MTMR1: variants seen among roughly 807,000 people sequenced by gnomAD.
MTMR1 encodes myotubularin related protein 1.
In MTMR1, 17 loss-of-function variants were observed where a neutral mutation model predicts 51.6. The ratio of observed to expected loss-of-function variants is 0.33; its 90% CI spans 0.23 to 0.49. The LOEUF is 0.49. MTMR1 is among the 20% of genes least tolerant of loss of function. The pLI is 0.99. For missense variants in MTMR1, 386 were observed against 526.9 expected (o/e 0.73, Z 2.62); for synonymous variants, 201 against 205.6 (o/e 0.98, Z 0.19).
intron 13 of MTMR1, among the ~76,000 whole-genome samples, chrX:150,747,583 C>T (rs1457771719): frequency 8.9e-5 from 10 of 112,138 alleles, no homozygotes; most frequent in Admixed American, 3.8e-4. Flanking sequence ...TGAATTGCAG[C>T]GACCTAATCT....
intron 15 of MTMR1, among the ~76,000 whole-genome samples, chrX:150,756,850 C>T (rs1163726170): frequency 9.0e-6 from 1 of 110,919 alleles, no homozygotes; most frequent in Non-Finnish European, 1.9e-5. Flanking sequence ...GGGATTTCAC[C>T]ATGTTGGCCT....
intron 15 of MTMR1, among the ~76,000 whole-genome samples, 198 bp downstream of exon 15, chrX:150,756,063 G>A (rs2042895527): frequency 8.9e-6 from 1 of 111,910 alleles, no homozygotes; most frequent in African/African-American, 3.3e-5. Context: ...GATGTTTGCT[G>A]GGTTACAGTT....
intron 10 of MTMR1, chrX:150,735,420 G>A: frequency 2.1e-6 from 1 of 487,789 alleles, no homozygotes. Context: ...TTTCATAAGG[G>A]ATGTTAATCT....
chrX:150,700,571 C>T (rs1232098635), intron 2 of MTMR1, among the ~76,000 whole-genome samples: 1 of 112,546 alleles, frequency 8.9e-6, no homozygotes, highest in Non-Finnish European at 1.9e-5. Context: ...CCTGGTCGGG[C>T]AAACACACTG....
At chrX:150,739,844 C>T (rs1158950086) in intron 12 of MTMR1, among the ~76,000 whole-genome samples, 1 of 112,085 alleles carries the variant, frequency 8.9e-6, no homozygotes, top group Non-Finnish European at 1.9e-5. Flanking sequence ...GTGTTATCTG[C>T]CTAAAGTCAC....
intron 2 of MTMR1, among the ~76,000 whole-genome samples, chrX:150,708,933 T>G (rs182841643): frequency 9.0e-6 from 1 of 110,806 alleles, no homozygotes; most frequent in African/African-American, 3.3e-5. Flanking sequence ...CACTCTGGAG[T>G]GTGTTCTTTT....
intron 15 of MTMR1, among the ~76,000 whole-genome samples, chrX:150,762,031 T>A (rs201492646): frequency 1.8e-5 from 2 of 112,587 alleles, no homozygotes; most frequent in Admixed American, 1.9e-4. Context: ...CACTGCCCGC[T>A]CCGGGGGGCT....
intron 14 of MTMR1, chrX:150,751,124 C>T (rs781831271): frequency 3.1e-4 from 319 of 1,014,219 alleles, no homozygotes; most frequent in Non-Finnish European, 3.9e-4. Context: ...ATGTAGTCTC[C>T]GCTGCACCAA....
chrX:150,746,327 T>A (rs1485135400), intron 13 of MTMR1, among the ~76,000 whole-genome samples: 1 of 111,123 alleles, frequency 9.0e-6, no homozygotes, highest in Non-Finnish European at 1.9e-5. Flanking sequence ...CTGGCCTGGG[T>A]AAGAGGGGCT....
At chrX:150,721,603 G>A (rs1386903924) in intron 4 of MTMR1, among the ~76,000 whole-genome samples, 1 of 111,224 alleles carries the variant, frequency 9.0e-6, no homozygotes, top group East Asian at 2.8e-4. Context: ...AATATCTGTA[G>A]AATTTGCAGT....
At chrX:150,723,141 T>G (rs2148607839) in intron 4 of MTMR1, among the ~76,000 whole-genome samples, 1 of 110,334 alleles carries the variant, frequency 9.1e-6, no homozygotes, top group South Asian at 3.9e-4. Context: ...CTGAGAATGA[T>G]GATTTCCAAT....
intron 12 of MTMR1, among the ~76,000 whole-genome samples, chrX:150,743,910 T>C (rs1603264865): frequency 8.9e-6 from 1 of 112,658 alleles, no homozygotes; most frequent in South Asian, 3.6e-4. Context: ...AAGTTGTAGA[T>C]TGCTAATCAT....
intron 14 of MTMR1, chrX:150,751,283 A>C: frequency 1.4e-6 from 1 of 693,038 alleles, no homozygotes; most frequent in Non-Finnish European, 1.7e-6. Context: ...GTAAAGAAGC[A>C]GTTACCAAAC....
chrX:150,746,903 T>C (rs1327315336), intron 13 of MTMR1, among the ~76,000 whole-genome samples: 5 of 112,567 alleles, frequency 4.4e-5, no homozygotes, highest in Non-Finnish European at 9.4e-5. Flanking sequence ...ATGAGATATA[T>C]AGCAGGTATA....
intron 11 of MTMR1, among the ~76,000 whole-genome samples, 160 bp from the exon 12 acceptor site, chrX:150,737,082 T>G (rs993926208): frequency 8.9e-6 from 1 of 111,903 alleles, no homozygotes; most frequent in Non-Finnish European, 1.9e-5. Context: ...TTTTTTAATG[T>G]GATGCTAATA....
intron 13 of MTMR1, among the ~76,000 whole-genome samples, chrX:150,748,249 G>A (rs924759813): frequency 8.9e-6 from 1 of 111,895 alleles, no homozygotes; most frequent in Admixed American, 9.5e-5. Context: ...CAGATATTCA[G>A]TTCATAGCAC....
intron 8 of MTMR1, 93 bp from the exon 9 acceptor site, chrX:150,731,377 C>T: frequency 1.3e-6 from 1 of 772,415 alleles, no homozygotes; most frequent in Non-Finnish European, 1.8e-6. Flanking sequence ...ATTTTAGTTG[C>T]AAATAAGAAA....
At position 150,732,577 on chromosome X, in the gene MTMR1, G is replaced by A. The variant is rs200650317; in HGVS notation, c.927G>A (p.Thr309=). The change falls in exon 10 of 16, where the codon ACG becomes ACA. Residue 309 remains threonine (T), a synonymous_variant. Coordinates refer to ENST00000445323, the MANE Select transcript of MTMR1 (RefSeq NM_001306144.3). ...LSWIHPESQA[T]ITRCSQPLVG... Reference sequence around the variant, plus strand: ...GGATTCATCCGGAAAGTCAAGCAACGATTACCCGTTGCAGCCAGCCACTTG... The same window carrying A: ...GGATTCATCCGGAAAGTCAAGCAACAATTACCCGTTGCAGCCAGCCACTTG... The A allele has an allele frequency of 1.7e-6, 2 of 1,208,557 alleles. No individual in the cohort carries two copies. The highest frequency in any genetic ancestry group is 3.0e-5 in the East Asian group (1 of 33,731).
chrX:150,759,568 C>T (rs1273580143), intron 15 of MTMR1, among the ~76,000 whole-genome samples: 4 of 104,451 alleles, frequency 3.8e-5, no homozygotes, highest in Non-Finnish European at 8.4e-5. Flanking sequence ...AAATGCTGAA[C>T]CAGCAGAGAG....
Sources: allele counts gnomAD v4.1 joint callset (sites outside exome capture counted in the v4.1 genomes callset), GRCh38; gene constraint gnomAD v4.1.1; transcripts MANE v1.5; gene names NCBI Gene and HGNC (gene_info 2026-07-23, HGNC 2026-07-21).